The following FAM13A variants were observed in gnomAD, a reference collection of about 807,000 sequenced individuals.
FAM13A encodes family with sequence similarity 13 member A.
In FAM13A, 76 loss-of-function variants were observed where a neutral mutation model predicts 129.6. The observed-to-expected ratio is 0.59, with a 90% CI of 0.49 to 0.71. The LOEUF (loss-of-function observed/expected upper bound fraction) is 0.71, where lower values mean the gene tolerates loss of function less well. Ranked by LOEUF, FAM13A falls within the 30% of genes least tolerant of loss-of-function variation. The pLI is 0.00. For synonymous variants in FAM13A, 443 were observed against 449.9 expected, an observed-to-expected ratio of 0.98 and a Z score of 0.20; for missense variants, 1,108 against 1,249.3, an observed-to-expected ratio of 0.89 and a Z score of 1.70.
At chr4:89,047,995 C>A (rs760018287) in intron 1 of FAM13A, among the ~76,000 whole-genome samples, 5 of 152,044 alleles carry the variant, frequency 3.3e-5, no homozygotes, top group African/African-American at 4.8e-5. Context: ...TATATGTTGG[C>A]AAGGATATAG....
At chr4:88,764,253 C>A (rs1745343150) in intron 13 of FAM13A, among the ~76,000 whole-genome samples, 1 of 151,896 alleles carries the variant, frequency 6.6e-6, no homozygotes, top group Non-Finnish European at 1.5e-5. Flanking sequence ...TCTAAGCTCT[C>A]TTAAGCAGTA....
At chr4:88,847,988 G>T (rs1358912576) in intron 7 of FAM13A, among the ~76,000 whole-genome samples, 2 of 151,772 alleles carry the variant, frequency 1.3e-5, no homozygotes, top group Admixed American at 6.6e-5. Context: ...ACAAACATTT[G>T]AATTTTTCTT....
At chr4:89,019,275 T>C (rs575646508) in intron 3 of FAM13A, among the ~76,000 whole-genome samples, 1 of 152,228 alleles carries the variant, frequency 6.6e-6, no homozygotes, top group South Asian at 2.1e-4. Flanking sequence ...GGTACACCAC[T>C]GCTGTAAAGG....
At chr4:88,975,113 T>C (rs1760722856) in intron 4 of FAM13A, among the ~76,000 whole-genome samples, 1 of 152,110 alleles carries the variant, frequency 6.6e-6, no homozygotes, top group South Asian at 2.1e-4. Flanking sequence ...CATATAAAAA[T>C]CTAAACGCTC....
chr4:88,966,572 C>T (rs565957594), intron 4 of FAM13A, among the ~76,000 whole-genome samples: 59 of 152,124 alleles, frequency 3.9e-4, no homozygotes, highest in Non-Finnish European at 6.9e-4. Context: ...TTTTTCATTT[C>T]ATTTATTACC....
At chr4:88,966,203 CA>C (rs1373415006) in intron 4 of FAM13A, among the ~76,000 whole-genome samples, 2 of 152,104 alleles carry the variant, frequency 1.3e-5, no homozygotes, top group African/African-American at 4.8e-5. Flanking sequence ...GTTAGAAAAA[CA>C]GTATAATATA....
At chr4:88,914,985 G>T (rs569821929) in intron 5 of FAM13A, among the ~76,000 whole-genome samples, 65 of 152,298 alleles carry the variant, frequency 4.3e-4, no homozygotes. Context: ...AACTGCATTT[G>T]GTGTGCTGGG....
intron 6 of FAM13A, among the ~76,000 whole-genome samples, chr4:88,883,944 C>CCT (rs1478544871): frequency 1.3e-5 from 2 of 151,870 alleles, no homozygotes; most frequent in African/African-American, 4.8e-5. Context: ...AACAGACAAC[C>CCT]CTCCTAGATT....
intron 9 of FAM13A, among the ~76,000 whole-genome samples, chr4:88,790,051 C>CT (rs1724807833): frequency 6.6e-6 from 1 of 152,210 alleles, no homozygotes; most frequent in Non-Finnish European, 1.5e-5. Flanking sequence ...CGCCACTGCC[C>CT]TGTGGACCAG....
chr4:88,953,727 G>A (rs1283545122), intron 4 of FAM13A, among the ~76,000 whole-genome samples: 2 of 152,104 alleles, frequency 1.3e-5, no homozygotes, highest in East Asian at 1.9e-4. Flanking sequence ...CACACAGTAT[G>A]TGTCTTTTTT....
At chr4:88,933,158 T>C (rs1226433030) in intron 5 of FAM13A, among the ~76,000 whole-genome samples, 1 of 152,184 alleles carries the variant, frequency 6.6e-6, no homozygotes, top group Non-Finnish European at 1.5e-5. Context: ...CACTGTCTAA[T>C]AAAGAAAGTC....
chr4:88,801,637 C>T (rs1158065647), intron 8 of FAM13A, among the ~76,000 whole-genome samples: 2 of 152,166 alleles, frequency 1.3e-5, no homozygotes, highest in Non-Finnish European at 2.9e-5. Flanking sequence ...GCCCAATGAA[C>T]AAAACTGGTC....
chr4:88,970,660 T>A (rs1021101191), intron 4 of FAM13A, among the ~76,000 whole-genome samples: 34 of 152,010 alleles, frequency 2.2e-4, no homozygotes, highest in African/African-American at 6.8e-4. Flanking sequence ...ACTATATATT[T>A]GGAATAAAAC....
At chr4:88,984,564 T>G (rs2148996592) in intron 4 of FAM13A, among the ~76,000 whole-genome samples, 1 of 152,096 alleles carries the variant, frequency 6.6e-6, no homozygotes, top group Admixed American at 6.5e-5. Flanking sequence ...ATCAGGGAAA[T>G]GCAAATCAAA....
chr4:88,945,990 G>GTGTGTATATA lies in FAM13A; in HGVS notation c.606-7750_606-7749insTATATACACA. Among the ~76,000 whole-genome samples the GTGTGTATATA allele has an allele frequency of 2.2e-3, 137 of 61,856 alleles. No homozygotes were observed. In the South Asian group the frequency reaches 0.033, roughly 15 times the overall value. 40.6% of individuals were successfully genotyped at this position (61,856 alleles called of 152,430 possible). A position where few individuals can be genotyped will look rare whatever the true frequency, so the allele number is the denominator to read the frequency against. On this transcript the variant is annotated intron_variant, in intron 4 of 23. Coordinates refer to ENST00000264344, the MANE Select transcript of FAM13A (RefSeq NM_014883.4). The stretch of plus-strand genomic sequence containing the variant: ...TGTGTGTGTGTGTGTGTGTGTGTGT[G>GTGTGTATATA]TATATATATATATATATATATATAT...
chr4:88,840,985 TCAAAATGGATCAAAGAC>T (rs1451806073), intron 7 of FAM13A, among the ~76,000 whole-genome samples: 1 of 151,290 alleles, frequency 6.6e-6, no homozygotes, highest in Admixed American at 6.6e-5. Flanking sequence ...AAAAACTAAC[TCAAAATGGATCAAAGAC>T]CAAAATGGAT....
At chr4:89,009,668 T>C (rs1013684997) in intron 3 of FAM13A, among the ~76,000 whole-genome samples, 3 of 152,308 alleles carry the variant, frequency 2.0e-5, no homozygotes, top group African/African-American at 7.2e-5. Flanking sequence ...TTGCAAACCA[T>C]ATATAATAGT....
intron 6 of FAM13A, among the ~76,000 whole-genome samples, chr4:88,861,815 T>G (rs1308441120): frequency 1.3e-5 from 2 of 152,214 alleles, no homozygotes; most frequent in Non-Finnish European, 2.9e-5. Context: ...TATCTATCTA[T>G]TCTCATTTTC....
At chr4:88,742,982 T>G (rs1740571199) in intron 19 of FAM13A, among the ~76,000 whole-genome samples, 1 of 152,212 alleles carries the variant, frequency 6.6e-6, no homozygotes, top group African/African-American at 2.4e-5. Context: ...CTTCAAAACT[T>G]TATTTAAAGT....
Sources: gnomAD v4.1 joint callset for allele counts (sites outside exome capture counted in the v4.1 genomes callset) on GRCh38, gnomAD v4.1.1 for gene constraint, MANE v1.5 for transcripts, NCBI Gene and HGNC (gene_info 2026-07-23, HGNC 2026-07-21) for gene names.